SOX5: variants seen among roughly 807,000 people sequenced by gnomAD.
SOX5 encodes SRY-box transcription factor 5, also known as transcription factor SOX-5.
In SOX5, 9 loss-of-function variants were observed where a neutral mutation model predicts 92.0. That is an observed-to-expected ratio of 0.10 (90% confidence interval 0.06 to 0.17). The LOEUF (loss-of-function observed/expected upper bound fraction) is 0.17, where lower values mean the gene tolerates loss of function less well. SOX5 is among the 10% of genes least tolerant of loss of function. SOX5 has a pLI of 1.00. For synonymous variants in SOX5, 344 were observed against 336.3 expected (o/e 1.02, Z -0.25); for missense variants, 642 against 944.5 (o/e 0.68, Z 4.20).
chr12:24,322,246 G>A (rs1396652882), intron 2 of SOX5, among the ~76,000 whole-genome samples: 3 of 152,094 alleles, frequency 2.0e-5, no homozygotes, highest in Non-Finnish European at 4.4e-5. Context: ...AATCTAAGAT[G>A]AGATGTACAC....
chr12:23,604,133 C>G, intron 9 of SOX5: 1 of 379,116 alleles, frequency 2.6e-6, no homozygotes, highest in Non-Finnish European at 4.9e-6. Context: ...TACAAGATAC[C>G]CATCTGATAA....
intron 1 of SOX5, among the ~76,000 whole-genome samples, chr12:24,436,548 G>A (rs1021800113): frequency 3.9e-5 from 6 of 152,202 alleles, no homozygotes; most frequent in African/African-American, 1.4e-4. Flanking sequence ...CCAGCAGAGG[G>A]TGGTTCATGA....
chr12:23,923,488 CAT>C (rs1384905773), intron 1 of SOX5, among the ~76,000 whole-genome samples: 2 of 152,094 alleles, frequency 1.3e-5, no homozygotes, highest in Non-Finnish European at 2.9e-5. Flanking sequence ...ATTTAATAAA[CAT>C]CACTTGAATG....
rs2096864236 is a variant in SOX5 at position 23,870,805 on chromosome 12, G to A, written c.271-24612C>T. ...TATTTCTTAACTAAAACTTCTGGTT[G>A]TACTGATCGTTCAAGTTTTTTTCAC... On this transcript the variant is annotated intron_variant, in intron 2 of 14. Coordinates refer to ENST00000451604, the MANE Select transcript of SOX5 (RefSeq NM_006940.6). Among the ~76,000 whole-genome samples the A allele has an allele frequency of 3.9e-5, 6 of 152,064 alleles. No individual in the cohort carries two copies. In the South Asian group the frequency reaches 1.2e-3, roughly 31 times the overall value.
At chr12:24,166,210 CAAG>C (rs947068633) in intron 4 of SOX5, among the ~76,000 whole-genome samples, 2 of 152,046 alleles carry the variant, frequency 1.3e-5, no homozygotes, top group Admixed American at 6.6e-5. Context: ...ATGGAAAATA[CAAG>C]AAGAGGAGTG....
chr12:24,082,218 C>A (rs1487597898), intron 4 of SOX5, among the ~76,000 whole-genome samples: 1 of 151,510 alleles, frequency 6.6e-6, no homozygotes, highest in Non-Finnish European at 1.5e-5. Context: ...GGGACTGGAA[C>A]TATTATACCT....
At chr12:23,601,964 A>T (rs12424064) in intron 9 of SOX5, among the ~76,000 whole-genome samples, 37,982 of 152,010 alleles carry the variant, frequency 0.25, 6,035 homozygotes, top group African/African-American at 0.44. Context: ...TTACTTGAAA[A>T]GAGGCACTTT....
intron 6 of SOX5, among the ~76,000 whole-genome samples, chr12:23,696,648 C>T (rs570953068): frequency 6.6e-6 from 1 of 152,132 alleles, no homozygotes; most frequent in African/African-American, 2.4e-5. Context: ...TTCTATGCTG[C>T]TCTCTTTCTA....
At chr12:24,378,778 A>T (rs1414179004) in intron 1 of SOX5, among the ~76,000 whole-genome samples, 1 of 152,190 alleles carries the variant, frequency 6.6e-6, no homozygotes, top group Non-Finnish European at 1.5e-5. Context: ...AACAGAGCAC[A>T]GCTGTGTTAT....
At chr12:24,503,350 C>A (rs1322476167) in intron 1 of SOX5, among the ~76,000 whole-genome samples, 1 of 152,110 alleles carries the variant, frequency 6.6e-6, no homozygotes, top group Non-Finnish European at 1.5e-5. Flanking sequence ...TGAGCAATGA[C>A]GCATGACCAC....
intron 6 of SOX5, among the ~76,000 whole-genome samples, chr12:23,684,055 C>G (rs998767942): frequency 6.6e-6 from 1 of 151,970 alleles, no homozygotes; most frequent in Non-Finnish European, 1.5e-5. Context: ...TGCATTTTAG[C>G]ATCTTCCTCA....
chr12:23,590,331 A>ATCTT (rs1951355437), intron 9 of SOX5, among the ~76,000 whole-genome samples: 1 of 151,982 alleles, frequency 6.6e-6, no homozygotes, highest in Admixed American at 6.6e-5. Context: ...ACACACTTGT[A>ATCTT]TCTTTATATT....
intron 10 of SOX5, among the ~76,000 whole-genome samples, chr12:23,567,816 A>G (rs1445928913): frequency 6.6e-6 from 1 of 151,920 alleles, no homozygotes; most frequent in Non-Finnish European, 1.5e-5. Flanking sequence ...ATATTCTCAA[A>G]ATTTCTGTTT....
At chr12:23,581,893 A>AT (rs1950089746) in intron 9 of SOX5, among the ~76,000 whole-genome samples, 4 of 149,802 alleles carry the variant, frequency 2.7e-5, no homozygotes, top group South Asian at 2.1e-4. Flanking sequence ...TGATTGAAAA[A>AT]ATATATATAT....
intron 1 of SOX5, among the ~76,000 whole-genome samples, chr12:24,382,669 T>C (rs1324572057): frequency 3.9e-5 from 6 of 152,138 alleles, no homozygotes; most frequent in Admixed American, 3.9e-4. Flanking sequence ...GTTAGGAGCC[T>C]ATAGCCACAA....
At chr12:24,250,051 C>A (rs1939718644) in intron 3 of SOX5, among the ~76,000 whole-genome samples, 1 of 152,160 alleles carries the variant, frequency 6.6e-6, no homozygotes, top group Non-Finnish European at 1.5e-5. Flanking sequence ...TGAGAGAAAT[C>A]ATAATACTAA....
chr12:24,058,854 C>T (rs1009922371), intron 4 of SOX5, among the ~76,000 whole-genome samples: 5 of 152,092 alleles, frequency 3.3e-5, no homozygotes, highest in Non-Finnish European at 7.3e-5. Flanking sequence ...TATGTAGTTA[C>T]ATACAAGGTT....
chr12:23,869,535 T>G (rs145473439), intron 2 of SOX5, among the ~76,000 whole-genome samples: 1 of 152,148 alleles, frequency 6.6e-6, no homozygotes, highest in Non-Finnish European at 1.5e-5. Flanking sequence ...ATTGATCTCA[T>G]GCACCTCTGT....
At chr12:23,621,622 T>C (rs1000231784) in intron 8 of SOX5, among the ~76,000 whole-genome samples, 1 of 152,092 alleles carries the variant, frequency 6.6e-6, no homozygotes, top group South Asian at 2.1e-4. Context: ...GGAAGAAATA[T>C]TGTGATTTCA....
Sources: allele counts gnomAD v4.1 joint callset (sites outside exome capture counted in the v4.1 genomes callset), GRCh38; gene constraint gnomAD v4.1.1; transcripts MANE v1.5; gene names NCBI Gene and HGNC (gene_info 2026-07-23, HGNC 2026-07-21).